ERC2: variants seen among roughly 807,000 people sequenced by gnomAD.
ERC2 encodes ELKS/RAB6-interacting/CAST family member 2, also known as ERC protein 2.
In ERC2, 42 loss-of-function variants were observed where a neutral mutation model predicts 114.8. That is an observed-to-expected ratio of 0.37 (90% CI 0.29 to 0.47). The LOEUF is 0.47. Among genes scored for constraint, ERC2 ranks in the 20% least tolerant of loss-of-function variants. The probability of loss-of-function intolerance (pLI) is 0.99; values close to 1 mark genes in which losing one functional copy is unlikely to be tolerated. For missense variants in ERC2, 939 were observed against 1,150.7 expected (o/e 0.82, Z 2.66); for synonymous variants, 454 against 425.5 (o/e 1.07, Z -0.82).
At chr3:56,326,741 C>G (rs1451050008) in intron 2 of ERC2, among the ~76,000 whole-genome samples, 1 of 152,218 alleles carries the variant, frequency 6.6e-6, no homozygotes, top group East Asian at 1.9e-4. Flanking sequence ...AGTTGGTGGG[C>G]TGCTAGTGAC....
At chr3:56,044,090 T>G (rs1179418242) in intron 7 of ERC2, among the ~76,000 whole-genome samples, 1 of 152,152 alleles carries the variant, frequency 6.6e-6, no homozygotes, top group Non-Finnish European at 1.5e-5. Context: ...TAAAATTACT[T>G]TCATTATCTT....
chr3:56,291,545 G>T (rs1244793209), intron 3 of ERC2, among the ~76,000 whole-genome samples: 3 of 152,146 alleles, frequency 2.0e-5, no homozygotes, highest in African/African-American at 7.2e-5. Context: ...AACAAGGCCA[G>T]GAGATGGGGT....
At chr3:56,011,960 C>T (rs1050525636) in intron 8 of ERC2, among the ~76,000 whole-genome samples, 3 of 152,188 alleles carry the variant, frequency 2.0e-5, no homozygotes, top group Non-Finnish European at 4.4e-5. Flanking sequence ...ATGCTTTCAG[C>T]GGAGGAGGTA....
intron 3 of ERC2, among the ~76,000 whole-genome samples, chr3:56,219,133 T>C (rs189809628): frequency 1.1e-4 from 16 of 152,066 alleles, no homozygotes; most frequent in African/African-American, 3.9e-4. Flanking sequence ...ACTTAAAGTA[T>C]AATAAATAAA....
intron 17 of ERC2, among the ~76,000 whole-genome samples, chr3:55,516,255 AAC>A (rs1279940082): frequency 2.8e-4 from 43 of 152,098 alleles, no homozygotes; most frequent in African/African-American, 1.0e-3. Flanking sequence ...AAAAAAAAAA[AAC>A]AAACAAAAAA....
At chr3:55,955,837 G>A (rs904603370) in intron 12 of ERC2, among the ~76,000 whole-genome samples, 3 of 152,224 alleles carry the variant, frequency 2.0e-5, no homozygotes, top group Admixed American at 6.5e-5. Context: ...CTTCTAGGGA[G>A]AGCAGTGGCT....
chr3:56,191,627 T>C (rs542677251), intron 3 of ERC2, among the ~76,000 whole-genome samples: 1 of 152,202 alleles, frequency 6.6e-6, no homozygotes, highest in East Asian at 1.9e-4. Flanking sequence ...AAGGTTGCAG[T>C]GCTGTCGCAA....
At chr3:55,516,210 G>T (rs956105779) in intron 17 of ERC2, among the ~76,000 whole-genome samples, 1 of 150,816 alleles carries the variant, frequency 6.6e-6, no homozygotes, top group African/African-American at 2.4e-5. Flanking sequence ...AAGCCACTCT[G>T]CTCACAGGAA....
chr3:56,018,985 G>T lies in ERC2; in HGVS notation c.1688C>A (p.Thr563Asn). 6.2e-7 allele frequency: 1 copy of T among 1,613,002 alleles called. No homozygotes were observed. Among genetic ancestry groups the T allele is most frequent in the Non-Finnish European group, 8.5e-7 (1 of 1,179,420 alleles). Reference protein sequence around the residue: ...EQLRDKDKQLTNLKDRVKSLQ... With the variant: ...EQLRDKDKQLNNLKDRVKSLQ... ...GGACTTCACTCTGTCTTTCAGGTTG[G>T]TCAGTTGCTTGTCTTTATCCCTAAG... Residue 563 changes from threonine to asparagine, a missense_variant, in exon 8 of 18, where the codon ACC (threonine) becomes AAC (asparagine). Physicochemically the swap from Thr to Asn is moderately conservative, Grantham distance 65. Around this residue, in one of 5 missense-constraint regions of ERC2, gnomAD observed 149 missense variants for 254.6 expected, o/e 0.59. Transcript: ENST00000288221.
At chr3:55,815,924 C>T (rs2059890865) in intron 14 of ERC2, among the ~76,000 whole-genome samples, 1 of 152,188 alleles carries the variant, frequency 6.6e-6, no homozygotes, top group Non-Finnish European at 1.5e-5. Flanking sequence ...CTGGGAGCCT[C>T]TGGAAAACCT....
At chr3:55,952,902 A>G (rs1337210028) in intron 12 of ERC2, among the ~76,000 whole-genome samples, 1 of 152,126 alleles carries the variant, frequency 6.6e-6, no homozygotes, top group Admixed American at 6.5e-5. Context: ...CTGAATTAAG[A>G]AAGAGTGGCG....
intron 17 of ERC2, among the ~76,000 whole-genome samples, chr3:55,521,232 G>C (rs999141354): frequency 1.1e-4 from 16 of 152,198 alleles, no homozygotes; most frequent in Admixed American, 9.8e-4. Context: ...CCTGGGTCCA[G>C]GCGAGACCTC....
In ERC2 at chr3:55,778,557, G is replaced by A. The variant is rs571675110; in HGVS notation, c.2565-43639C>T. The stretch of plus-strand genomic sequence containing the variant: ...CATATAATTATGAAAGTTCTGTGTG[G>A]CAAAAAACAGCTACAACAGCAACTC... On this transcript the variant is annotated intron_variant, in intron 14 of 17. Transcript: ENST00000288221. Among the ~76,000 whole-genome samples, 15 of 152,190 alleles carry A rather than the reference G, an allele frequency of 9.9e-5. No homozygotes were observed. The East Asian group carries it at 2.9e-3, about 29-fold the overall frequency.
intron 14 of ERC2, among the ~76,000 whole-genome samples, chr3:55,802,939 T>C (rs549587395): frequency 5.1e-4 from 77 of 152,340 alleles, no homozygotes; most frequent in Admixed American, 3.7e-3. Flanking sequence ...TTCCTGAATA[T>C]ACGGTGTAGT....
At chr3:55,979,958 CTT>C (rs57387241) in intron 12 of ERC2, among the ~76,000 whole-genome samples, 6,498 of 129,044 alleles carry the variant, frequency 0.05, 298 homozygotes, top group African/African-American at 0.13. Flanking sequence ...CTTTTTTTTT[CTT>C]TTTTTTTTTT....
chr3:56,343,205 C>CACACACACACACACAA (rs2058168945), intron 2 of ERC2, among the ~76,000 whole-genome samples: 3 of 150,704 alleles, frequency 2.0e-5, no homozygotes, highest in Non-Finnish European at 4.4e-5. Flanking sequence ...CACACACACA[C>CACACACACACACACAA]ACACAAACAC....
chr3:55,811,958 A>G (rs995735890), intron 14 of ERC2, among the ~76,000 whole-genome samples: 1 of 152,164 alleles, frequency 6.6e-6, no homozygotes, highest in Non-Finnish European at 1.5e-5. Context: ...CTATCAGCCC[A>G]TCACCTAGGT....
chr3:55,700,446 C>T (rs1005562964), intron 15 of ERC2, among the ~76,000 whole-genome samples: 2 of 152,200 alleles, frequency 1.3e-5, no homozygotes, highest in Admixed American at 1.3e-4. Flanking sequence ...ACCTTAATTT[C>T]CTCAACTCTA....
intron 14 of ERC2, among the ~76,000 whole-genome samples, chr3:55,763,463 G>A (rs1440348505): frequency 6.6e-6 from 1 of 152,094 alleles, no homozygotes; most frequent in Non-Finnish European, 1.5e-5. Flanking sequence ...TAGATGCATC[G>A]GGTGTGTCTT....
Sources: allele counts gnomAD v4.1 joint callset (sites outside exome capture counted in the v4.1 genomes callset), GRCh38; gene constraint gnomAD v4.1.1; regional missense constraint gnomAD v4.1.1; transcripts MANE v1.5; gene names NCBI Gene and HGNC (gene_info 2026-07-23, HGNC 2026-07-21).